Variants in SH3GL2 observed in about 807,000 individuals in gnomAD.
The protein encoded by SH3GL2 is endophilin-A1.
Under a neutral mutation model 46.0 loss-of-function variants are expected in SH3GL2, and 24 were observed. That is an observed-to-expected ratio of 0.52 (90% CI 0.38 to 0.73). The LOEUF (loss-of-function observed/expected upper bound fraction) is 0.73. Among genes scored for constraint, SH3GL2 ranks in the 30% least tolerant of loss-of-function variants. The probability of loss-of-function intolerance (pLI) is 0.00; values close to 1 mark genes in which losing one functional copy is unlikely to be tolerated. For missense variants in SH3GL2, 413 were observed against 424.2 expected (o/e 0.97, Z 0.23); for synonymous variants, 196 against 147.1 (o/e 1.33, Z -2.40).
chr9:17,688,303 G>C (rs182308738), intron 1 of SH3GL2, among the ~76,000 whole-genome samples: 2 of 152,036 alleles, frequency 1.3e-5, no homozygotes, highest in East Asian at 1.9e-4. Context: ...TTCTGTTTAC[G>C]TAGTATTTTC....
intron 1 of SH3GL2, among the ~76,000 whole-genome samples, chr9:17,607,748 C>T (rs976410926): frequency 6.6e-6 from 1 of 152,096 alleles, no homozygotes; most frequent in Admixed American, 6.6e-5. Flanking sequence ...GCTAAAAATT[C>T]CAGCAGGGTT....
intron 8 of SH3GL2, 151 bp downstream of exon 8, chr9:17,793,648 T>A (rs1490548057): frequency 1.6e-5 from 11 of 692,034 alleles, no homozygotes; most frequent in Non-Finnish European, 2.6e-5. Context: ...GAAACTCTGT[T>A]AAAGGAATCC....
At chr9:17,773,081 A>T (rs555397790) in intron 3 of SH3GL2, among the ~76,000 whole-genome samples, 2 of 152,134 alleles carry the variant, frequency 1.3e-5, no homozygotes, top group Admixed American at 6.5e-5. Context: ...TGACCTAATG[A>T]TTAGTGAAGT....
intron 1 of SH3GL2, among the ~76,000 whole-genome samples, chr9:17,736,781 C>A (rs904823078): frequency 2.0e-5 from 3 of 152,080 alleles, no homozygotes; most frequent in African/African-American, 7.2e-5. Flanking sequence ...CTGTCCAAGT[C>A]TTTGTGCCCT....
intron 1 of SH3GL2, 22 bp from the exon 2 acceptor site, chr9:17,747,041 TCTC>T: frequency 6.6e-7 from 1 of 1,504,788 alleles, no homozygotes; most frequent in Non-Finnish European, 9.2e-7. Flanking sequence ...TTATAATAAT[TCTC>T]CTTTGTGGTT....
At chr9:17,793,231 T>C in intron 7 of SH3GL2, 136 bp from the exon 8 acceptor site, 1 of 721,300 alleles carries the variant, frequency 1.4e-6, no homozygotes, top group South Asian at 1.9e-5. Context: ...AAACTAAGGG[T>C]CCTTTTTTGA....
intron 1 of SH3GL2, among the ~76,000 whole-genome samples, chr9:17,723,489 G>C (rs1016607088): frequency 6.6e-6 from 1 of 152,094 alleles, no homozygotes; most frequent in Admixed American, 6.5e-5. Context: ...TTCACTGCCA[G>C]GTGTGGTTGA....
intron 3 of SH3GL2, among the ~76,000 whole-genome samples, chr9:17,781,487 T>G (rs1002866315): frequency 3.3e-5 from 5 of 151,710 alleles, no homozygotes; most frequent in African/African-American, 9.7e-5. Flanking sequence ...TGAGTTTAAT[T>G]AGATCCCATT....
Position 17,623,403 on chromosome 9 carries a change from A to G in SH3GL2, c.45+44116A>G, listed in dbSNP as rs145964865. Among the ~76,000 whole-genome samples, 30 of 152,258 alleles carry G rather than the reference A, an allele frequency of 2.0e-4. No individual in the cohort carries two copies. In the East Asian group the frequency reaches 3.5e-3, roughly 18 times the overall value. ...GTTCAAATGGAATTAGATTCTATAT[A>G]GGGTAGTGTGTAGACTGAGAACAAA... On this transcript the variant is annotated intron_variant, in intron 1 of 8. Transcript: ENST00000380607.
intron 1 of SH3GL2, among the ~76,000 whole-genome samples, chr9:17,623,848 A>G (rs185707567): frequency 1.1e-3 from 167 of 152,248 alleles, no homozygotes; most frequent in Non-Finnish European, 2.1e-3. Context: ...ATTCTCTTAT[A>G]CTATAACCGC....
intron 3 of SH3GL2, among the ~76,000 whole-genome samples, chr9:17,764,709 C>A (rs1308199311): frequency 4.4e-5 from 4 of 89,994 alleles, no homozygotes; most frequent in African/African-American, 1.7e-4. Context: ...GGTACATGGA[C>A]AGGCCAGGGG....
intron 1 of SH3GL2, among the ~76,000 whole-genome samples, chr9:17,726,866 G>A (rs1384078589): frequency 1.3e-5 from 2 of 152,130 alleles, no homozygotes; most frequent in Non-Finnish European, 2.9e-5. Context: ...CTATAAGTTG[G>A]TATAACTCCT....
chr9:17,731,919 A>T (rs1054840038), intron 1 of SH3GL2, among the ~76,000 whole-genome samples: 1 of 152,134 alleles, frequency 6.6e-6, no homozygotes, highest in African/African-American at 2.4e-5. Flanking sequence ...CATACAAAAG[A>T]CATTCAGTGA....
intron 1 of SH3GL2, among the ~76,000 whole-genome samples, chr9:17,585,042 A>T (rs965351833): frequency 6.6e-6 from 1 of 152,184 alleles, no homozygotes; most frequent in Non-Finnish European, 1.5e-5. Context: ...CTGTTTTGAG[A>T]CAGATGTCAT....
At chr9:17,608,196 GGAGTGCAGTGGCACAATCTCAGCTCACT>G (rs1818794721) in intron 1 of SH3GL2, among the ~76,000 whole-genome samples, 1 of 138,812 alleles carries the variant, frequency 7.2e-6, no homozygotes, top group Admixed American at 8.2e-5. Flanking sequence ...TGCCCAGGCT[GGAGTGCAGTGGCACAATCTCAGCTCACT>G]GCAAGCTCTG....
At chr9:17,643,277 G>T (rs1819729777) in intron 1 of SH3GL2, among the ~76,000 whole-genome samples, 1 of 152,182 alleles carries the variant, frequency 6.6e-6, no homozygotes, top group African/African-American at 2.4e-5. Flanking sequence ...ATCAGCTTAA[G>T]GAGTTTTTGG....
intron 1 of SH3GL2, among the ~76,000 whole-genome samples, chr9:17,647,100 A>G (rs1311699334): frequency 6.6e-6 from 1 of 152,190 alleles, no homozygotes; most frequent in Admixed American, 6.5e-5. Flanking sequence ...GAGAGGCAGT[A>G]TGGCTACAGT....
intron 1 of SH3GL2, among the ~76,000 whole-genome samples, chr9:17,641,672 T>A: frequency 6.6e-6 from 1 of 152,182 alleles, no homozygotes; most frequent in Non-Finnish European, 1.5e-5. Context: ...CACCCATTTA[T>A]GAGTGAGAAC....
chr9:17,591,844 C>T (rs78148565), intron 1 of SH3GL2, among the ~76,000 whole-genome samples: 13 of 152,282 alleles, frequency 8.5e-5, no homozygotes, highest in African/African-American at 1.9e-4. Flanking sequence ...TTTCTGTAGG[C>T]GCTTTCCACA....
Sources: gnomAD v4.1 joint callset for allele counts (sites outside exome capture counted in the v4.1 genomes callset) on GRCh38, gnomAD v4.1.1 for gene constraint, MANE v1.5 for transcripts, NCBI Gene and HGNC (gene_info 2026-07-23, HGNC 2026-07-21) for gene names.